The following FAM168A variants were observed in gnomAD, a reference collection of about 807,000 sequenced individuals.
FAM168A encodes protein FAM168A.
A neutral mutation model predicts 28.5 loss-of-function variants in FAM168A; 3 were observed. The ratio of observed to expected loss-of-function variants is 0.11; its 90% CI spans 0.05 to 0.27. The LOEUF (loss-of-function observed/expected upper bound fraction) is 0.27, where lower values mean the gene tolerates loss of function less well. Ranked by LOEUF, FAM168A falls within the 10% of genes least tolerant of loss-of-function variation. The pLI, the probability that FAM168A is intolerant of heterozygous loss-of-function variation, is 1.00. For synonymous variants in FAM168A, 122 were observed against 124.2 expected (o/e 0.98, Z 0.12); for missense variants, 222 against 311.5 (o/e 0.71, Z 2.16).
chr11:73,587,152 TAAAAAAAAAAAAA>T (rs1158411875), intron 1 of FAM168A, among the ~76,000 whole-genome samples: 2 of 81,374 alleles, frequency 2.5e-5, no homozygotes, highest in African/African-American at 5.0e-5. Flanking sequence ...ATGGACATGT[TAAAAAAAAAAAAA>T]AAAAAAAAAA....
At chr11:73,422,204 T>C (rs553242509) in intron 3 of FAM168A, among the ~76,000 whole-genome samples, 1 of 152,290 alleles carries the variant, frequency 6.6e-6, no homozygotes, top group African/African-American at 2.4e-5. Flanking sequence ...AGTAAAATAA[T>C]GTTCCAGGTT....
intron 1 of FAM168A, among the ~76,000 whole-genome samples, chr11:73,539,251 T>C (rs1483418111): frequency 6.6e-6 from 1 of 151,332 alleles, no homozygotes; most frequent in Non-Finnish European, 1.5e-5. Context: ...TCAAGACTCT[T>C]TATTTTTATT....
intron 1 of FAM168A, among the ~76,000 whole-genome samples, chr11:73,499,874 C>T (rs1158122483): frequency 6.6e-6 from 1 of 152,052 alleles, no homozygotes; most frequent in African/African-American, 2.4e-5. Flanking sequence ...TATGGGACTT[C>T]ATAAAAAGAC....
intron 1 of FAM168A, among the ~76,000 whole-genome samples, chr11:73,490,398 G>C (rs376900484): frequency 8.5e-5 from 13 of 152,120 alleles, no homozygotes; most frequent in African/African-American, 3.1e-4. Flanking sequence ...CTAATCCTCA[G>C]TGACTTCCTA....
At chr11:73,587,191 T>C (rs1053182094) in intron 1 of FAM168A, among the ~76,000 whole-genome samples, 6 of 149,676 alleles carry the variant, frequency 4.0e-5, no homozygotes, top group Non-Finnish European at 4.4e-5. Flanking sequence ...AAGTTTCAGT[T>C]TCATTAAAGA....
chr11:73,524,285 T>G (rs1400842531), intron 1 of FAM168A, among the ~76,000 whole-genome samples: 1 of 152,096 alleles, frequency 6.6e-6, no homozygotes, highest in Non-Finnish European at 1.5e-5. Context: ...GATAGGGTTT[T>G]CAATCTAAGC....
chr11:73,420,150 T>G (rs116968001), intron 3 of FAM168A, 151 bp from the exon 4 acceptor site: 1 of 803,296 alleles, frequency 1.2e-6, no homozygotes, highest in Admixed American at 3.0e-5. Context: ...TCTGAGATGG[T>G]TGAGTGGGTT....
chr11:73,436,222 T>C (rs1867083748), intron 2 of FAM168A, among the ~76,000 whole-genome samples: 1 of 152,238 alleles, frequency 6.6e-6, no homozygotes, highest in Admixed American at 6.5e-5. Flanking sequence ...TTGTTGGTAC[T>C]AGGATTAGGA....
At chr11:73,501,359 A>C (rs536845676) in intron 1 of FAM168A, among the ~76,000 whole-genome samples, 1 of 152,358 alleles carries the variant, frequency 6.6e-6, no homozygotes. Context: ...AGACGTCTAC[A>C]GAACTCTACC....
Position 73,464,092 on chromosome 11 carries a change from T to C in FAM168A, c.70+4313A>G, listed in dbSNP as rs144565722. On this transcript the variant is annotated intron_variant, in intron 2 of 7. Coordinates refer to ENST00000356467, the MANE Select transcript of FAM168A (RefSeq NM_015159.3). ...GCTAGAGCCCTAAAAGCACCTACTTTGTAACTGGGGTTAGTTTGGCCTCTG... is the reference window on the plus strand; with the variant it reads ...GCTAGAGCCCTAAAAGCACCTACTTCGTAACTGGGGTTAGTTTGGCCTCTG... Among the ~76,000 whole-genome samples, 891 of 152,240 alleles carry C rather than the reference T, an allele frequency of 5.9e-3. 7 individuals carry two copies. The highest frequency in any genetic ancestry group is 0.027 in the Middle Eastern group (8 of 294).
At chr11:73,421,375 T>C (rs1380354569) in intron 3 of FAM168A, among the ~76,000 whole-genome samples, 1 of 152,208 alleles carries the variant, frequency 6.6e-6, no homozygotes, top group African/African-American at 2.4e-5. Flanking sequence ...TTATGGCTAT[T>C]GTAGGCTGAC....
chr11:73,428,795 C>T (rs773401787), intron 3 of FAM168A, among the ~76,000 whole-genome samples: 3 of 152,036 alleles, frequency 2.0e-5, no homozygotes, highest in Admixed American at 6.6e-5. Context: ...GCTGAGATAC[C>T]ATTATAGAAC....
intron 1 of FAM168A, among the ~76,000 whole-genome samples, chr11:73,585,133 G>C (rs1041750199): frequency 6.6e-6 from 1 of 152,118 alleles, no homozygotes; most frequent in African/African-American, 2.4e-5. Context: ...AACCAATAAA[G>C]TCAGCGCTTA....
rs1356774456 is a variant in FAM168A, at chr11:73,400,703, AC to A, written c.*6059del. On this transcript the variant is annotated 3_prime_UTR_variant, in exon 8 of 8. Coordinates refer to ENST00000356467, the MANE Select transcript of FAM168A (RefSeq NM_015159.3). ...ACTACTGAGAACAAATTTAGCATCAACTTGGGGAGACGCCCAAGGGACTCAC... is the reference window on the plus strand; with the variant it reads ...ACTACTGAGAACAAATTTAGCATCAATTGGGGAGACGCCCAAGGGACTCAC... 1 of 152,210 alleles carries A rather than the reference AC, an allele frequency of 6.6e-6. No individual in the cohort carries two copies. The highest frequency in any genetic ancestry group is 2.4e-5 in the African/African-American group (1 of 41,438). 9.4% of individuals were successfully genotyped at this position (152,210 alleles called of 1,614,324 possible).
intron 1 of FAM168A, among the ~76,000 whole-genome samples, chr11:73,531,802 CT>C (rs35314829): frequency 0.073 from 8,861 of 121,726 alleles, 196 homozygotes; most frequent in Non-Finnish European, 0.097. Context: ...CCAAGTATCA[CT>C]TTTTTTTTTT....
At chr11:73,476,042 T>C (rs1328341903) in intron 1 of FAM168A, among the ~76,000 whole-genome samples, 1 of 152,138 alleles carries the variant, frequency 6.6e-6, no homozygotes, top group Non-Finnish European at 1.5e-5. Flanking sequence ...CCATAGTGGG[T>C]CTTGATAAAC....
At chr11:73,494,774 C>T (rs111234105) in intron 1 of FAM168A, among the ~76,000 whole-genome samples, 560 of 152,164 alleles carry the variant, frequency 3.7e-3, no homozygotes, top group Middle Eastern at 0.014. Context: ...CCGAGGAGGG[C>T]GGATTACTTG....
intron 1 of FAM168A, among the ~76,000 whole-genome samples, chr11:73,547,306 C>A (rs1394041593): frequency 6.6e-6 from 1 of 151,720 alleles, no homozygotes; most frequent in East Asian, 1.9e-4. Flanking sequence ...CACCTCATAT[C>A]CATTATGATG....
At chr11:73,441,293 G>A (rs1230120398) in intron 2 of FAM168A, among the ~76,000 whole-genome samples, 3 of 152,282 alleles carry the variant, frequency 2.0e-5, no homozygotes, top group East Asian at 3.9e-4. Flanking sequence ...TCCTGACCTT[G>A]TGATCCGCCC....
Sources: allele counts gnomAD v4.1 joint callset (sites outside exome capture counted in the v4.1 genomes callset), GRCh38; gene constraint gnomAD v4.1.1; transcripts MANE v1.5; gene names NCBI Gene and HGNC (gene_info 2026-07-23, HGNC 2026-07-21).